Variants in ZC3H12B observed in about 807,000 individuals in gnomAD.
ZC3H12B encodes zinc finger CCCH-type containing 12B.
In ZC3H12B, 7 loss-of-function variants were observed where a neutral mutation model predicts 43.9. The observed-to-expected ratio is 0.16, with a 90% CI of 0.09 to 0.30. ZC3H12B has a LOEUF of 0.30. Ranked by LOEUF, ZC3H12B falls within the 10% of genes least tolerant of loss-of-function variation. The probability of loss-of-function intolerance (pLI) is 1.00; values close to 1 mark genes in which losing one functional copy is unlikely to be tolerated. For synonymous variants in ZC3H12B, 222 were observed against 241.7 expected (o/e 0.92, Z 0.76); for missense variants, 475 against 670.2 (o/e 0.71, Z 3.22).
At chrX:65,150,627 T>A in the ZC3H12B span, among the ~76,000 whole-genome samples, 1 of 111,599 alleles carries the variant, frequency 9.0e-6, no homozygotes, top group African/African-American at 3.3e-5. Context: ...TTGAAGATGA[T>A]GACTTCCAGC....
At chrX:65,060,049 AT>A in the ZC3H12B span, among the ~76,000 whole-genome samples, 1 of 108,884 alleles carries the variant, frequency 9.2e-6, no homozygotes, top group Admixed American at 9.5e-5. Flanking sequence ...GCTACTTAGC[AT>A]TGTTATGTTG....
chrX:65,472,084 C>CATAA (rs2067922886), intron 3 of ZC3H12B, among the ~76,000 whole-genome samples: 1 of 111,685 alleles, frequency 9.0e-6, no homozygotes, highest in South Asian at 3.7e-4. Context: ...AGTTTTGCTG[C>CATAA]ATAAAAATAT....
At chrX:65,432,503 C>T (rs937218018) in intron 3 of ZC3H12B, among the ~76,000 whole-genome samples, 5 of 111,749 alleles carry the variant, frequency 4.5e-5, no homozygotes, top group Admixed American at 2.9e-4. Context: ...TATTATGGCT[C>T]ATGTGGAAGA....
intron 3 of ZC3H12B, among the ~76,000 whole-genome samples, chrX:65,456,586 G>A (rs1330269713): frequency 5.7e-5 from 6 of 105,361 alleles, no homozygotes; most frequent in East Asian, 3.0e-4. Context: ...TTGCAGGCGC[G>A]CGCCGCCACG....
At chrX:65,250,640 G>A in the ZC3H12B span, among the ~76,000 whole-genome samples, 4 of 111,865 alleles carry the variant, frequency 3.6e-5, no homozygotes, top group Admixed American at 9.5e-5. Context: ...TAACTGGCAT[G>A]AGATGGTATC....
chrX:65,354,751 T>C, the ZC3H12B span, among the ~76,000 whole-genome samples: 1 of 111,450 alleles, frequency 9.0e-6, no homozygotes, highest in Non-Finnish European at 1.9e-5. Flanking sequence ...GAATAACCAG[T>C]TTAGAGAAGA....
the ZC3H12B span, among the ~76,000 whole-genome samples, chrX:65,070,123 G>A: frequency 6.4e-5 from 7 of 108,570 alleles, no homozygotes; most frequent in East Asian, 5.8e-4. Flanking sequence ...TTCAGAGCTC[G>A]TTATTGGTCT....
At chrX:65,462,486 G>T (rs951112413) in intron 3 of ZC3H12B, among the ~76,000 whole-genome samples, 8 of 111,686 alleles carry the variant, frequency 7.2e-5, no homozygotes, top group African/African-American at 2.0e-4. Flanking sequence ...GAGGGACAAA[G>T]CAAGACGCCG....
chrX:65,281,596 AG>A, the ZC3H12B span, among the ~76,000 whole-genome samples: 1 of 112,291 alleles, frequency 8.9e-6, no homozygotes, highest in African/African-American at 3.2e-5. Context: ...CTTTGGTAAA[AG>A]ATGCTGGAAA....
At chrX:65,120,845 G>GT in the ZC3H12B span, among the ~76,000 whole-genome samples, 30 of 111,341 alleles carry the variant, frequency 2.7e-4, no homozygotes, top group African/African-American at 9.8e-4. Flanking sequence ...TTTATCGAGA[G>GT]TTTTTTAGCA....
chrX:65,477,817 CTGTGTG>C (rs746164349), intron 3 of ZC3H12B, among the ~76,000 whole-genome samples: 114 of 92,970 alleles, frequency 1.2e-3, no homozygotes, highest in African/African-American at 3.1e-3. Flanking sequence ...AAACATTCCT[CTGTGTG>C]TGTGTGTGTG....
At chrX:65,205,689 T>A in the ZC3H12B span, among the ~76,000 whole-genome samples, 1 of 110,759 alleles carries the variant, frequency 9.0e-6, no homozygotes, top group African/African-American at 3.3e-5. Flanking sequence ...CAAGTGAAAG[T>A]AATGAAGACC....
At chrX:65,437,151 C>G (rs1268696309) in intron 3 of ZC3H12B, among the ~76,000 whole-genome samples, 2 of 110,385 alleles carry the variant, frequency 1.8e-5, no homozygotes, top group Non-Finnish European at 3.8e-5. Flanking sequence ...CAGGGTTTCA[C>G]CATGTGGGCC....
At chrX:65,119,005 T>G in the ZC3H12B span, among the ~76,000 whole-genome samples, 1 of 110,851 alleles carries the variant, frequency 9.0e-6, no homozygotes, top group Admixed American at 9.6e-5. Flanking sequence ...CTGCATAGTA[T>G]TCCATGGTGT....
At chrX:65,241,096 G>C in the ZC3H12B span, among the ~76,000 whole-genome samples, 1 of 112,182 alleles carries the variant, frequency 8.9e-6, no homozygotes, top group Non-Finnish European at 1.9e-5. Flanking sequence ...GCTGCATTGG[G>C]TGTAACTCTT....
the ZC3H12B span, among the ~76,000 whole-genome samples, chrX:65,095,769 T>A: frequency 9.0e-6 from 1 of 111,411 alleles, no homozygotes; most frequent in Admixed American, 9.6e-5. Flanking sequence ...CCAATTCCAG[T>A]GCCTTCTAGC....
At chrX:65,165,616 G>C in the ZC3H12B span, among the ~76,000 whole-genome samples, 1 of 112,442 alleles carries the variant, frequency 8.9e-6, no homozygotes, top group Non-Finnish European at 1.9e-5. Flanking sequence ...CCCTACAAAT[G>C]ACATGAACTC....
intron 3 of ZC3H12B, among the ~76,000 whole-genome samples, chrX:65,475,717 G>A (rs1314199668): frequency 8.9e-6 from 1 of 112,214 alleles, no homozygotes; most frequent in Non-Finnish European, 1.9e-5. Flanking sequence ...ATGGCAGAAG[G>A]CAAAGGAGGA....
chrX:65,379,499 G>A lies in ZC3H12B; in HGVS notation n.295+10501G>A, dbSNP rs1483570975. 2.7e-5 allele frequency among the ~76,000 whole-genome samples: 3 copies of A among 111,993 alleles called. 1 individual carries two copies. In the South Asian group the frequency reaches 1.1e-3, roughly 42 times the overall value. On this transcript the variant is annotated intron_variant and non_coding_transcript_variant, in intron 2 of 5. Coordinates refer to the ZC3H12B transcript ENST00000617377. ...GACCAAAAGTAGATAAAACCACAAAGATAGGGAAAAAACAGAGCAGAAAAA... is the reference window on the plus strand; with the variant it reads ...GACCAAAAGTAGATAAAACCACAAAAATAGGGAAAAAACAGAGCAGAAAAA...
Sources: gnomAD v4.1 joint callset for allele counts (sites outside exome capture counted in the v4.1 genomes callset) on GRCh38, gnomAD v4.1.1 for gene constraint, MANE v1.5 for transcripts, NCBI Gene and HGNC (gene_info 2026-07-23, HGNC 2026-07-21) for gene names.